Variants in GPR78 observed in about 807,000 individuals in gnomAD.
GPR78 encodes the protein G protein-coupled receptor 78.
In GPR78, 29 loss-of-function variants were observed where a neutral mutation model predicts 17.9. The ratio of observed to expected loss-of-function variants is 1.62; its 90% CI spans 1.20 to 2.21. GPR78 has a LOEUF of 2.21. Among genes scored for constraint, GPR78 ranks in the 30% most tolerant of loss-of-function variants. The probability of loss-of-function intolerance (pLI) is 0.00; values close to 1 mark genes in which losing one functional copy is unlikely to be tolerated. For missense variants in GPR78, 649 were observed against 530.5 expected, an observed-to-expected ratio of 1.22 and a Z score of -2.19; for synonymous variants, 349 against 256.9, an observed-to-expected ratio of 1.36 and a Z score of -3.43.
intron 2 of GPR78, among the ~76,000 whole-genome samples, chr4:8,583,477 A>G (rs889437453): frequency 2.0e-5 from 3 of 152,132 alleles, no homozygotes; most frequent in Admixed American, 6.5e-5. Flanking sequence ...GATACCCTGA[A>G]GGAAGACGCT....
At chr4:8,583,254 G>GT (rs2109300101) in intron 2 of GPR78, among the ~76,000 whole-genome samples, 1 of 152,292 alleles carries the variant, frequency 6.6e-6, no homozygotes, top group South Asian at 2.1e-4. Flanking sequence ...CGGCCACTTG[G>GT]TTACTACCTT....
At position 8,587,150 on chromosome 4, in the gene GPR78, G is replaced by C. The variant is rs546309729; in HGVS notation, c.879G>C (p.Thr293=). The change falls in exon 3 of 3, where the codon ACG becomes ACC. Residue 293 remains threonine (T), a synonymous_variant. Transcript: ENST00000382487. ...TYSKAVADPF[T]YSLLRRPFRQ... is the part of the protein sequence containing the mutation. ...GCAAGGCGGTGGCCGACCCGTTCAC[G>C]TACTCTCTGCTCCGCCGGCCGTTCC... The C allele has an allele frequency of 1.4e-4, 231 of 1,613,388 alleles. 3 individuals are homozygous for C. In the South Asian group the frequency reaches 2.5e-3, roughly 17 times the overall value.
intron 1 of GPR78, among the ~76,000 whole-genome samples, chr4:8,582,027 C>A (rs1418572305): frequency 1.3e-5 from 2 of 152,158 alleles, no homozygotes; most frequent in Non-Finnish European, 2.9e-5. Flanking sequence ...TGGACTTGGG[C>A]TTCAAGTCTT....
chr4:8,582,580 A>C lies in GPR78; in HGVS notation c.718A>C (p.Thr240Pro). The change falls in exon 2 of 3, where the codon ACC becomes CCC. Residue 240 changes from threonine (T) to proline (P), a missense_variant. Physicochemically the swap from Thr to Pro is conservative, Grantham distance 38. Coordinates refer to ENST00000382487, the MANE Select transcript of GPR78 (RefSeq NM_080819.5). ...IQQKRRRHRA[T>P]RKIGIAIATF... ...GCAGAAGCGGCGCCGCCACCGCGCC[A>C]CCAGGAAGATTGGCATTGCTATTGC... 1.2e-6 allele frequency: 2 copies of C among 1,612,966 alleles called. No individual in the cohort carries two copies. The highest frequency in any genetic ancestry group is 1.7e-6 in the Non-Finnish European group (2 of 1,179,826).
chr4:8,583,312 G>C (rs1713371919), intron 2 of GPR78, among the ~76,000 whole-genome samples: 1 of 152,212 alleles, frequency 6.6e-6, no homozygotes, highest in Admixed American at 6.5e-5. Context: ...GGAAGGCACC[G>C]TGGTTAGAGG....
chr4:8,585,324 G>T (rs926492035), intron 2 of GPR78, among the ~76,000 whole-genome samples: 14 of 152,186 alleles, frequency 9.2e-5, no homozygotes, highest in African/African-American at 2.9e-4. Context: ...CCTCAGCTGG[G>T]TGTTTCTGAT....
At chr4:8,584,697 G>A (rs1251503263) in intron 2 of GPR78, among the ~76,000 whole-genome samples, 2 of 152,204 alleles carry the variant, frequency 1.3e-5, no homozygotes, top group South Asian at 2.1e-4. Context: ...CCTCACAGGC[G>A]CCTCTCACAT....
chr4:8,584,140 A>G (rs28612558), intron 2 of GPR78, among the ~76,000 whole-genome samples: 2,975 of 152,266 alleles, frequency 0.02, 93 homozygotes, highest in African/African-American at 0.068. Context: ...TATGTGTAGA[A>G]GGTGAGTGCT....
intron 2 of GPR78, among the ~76,000 whole-genome samples, chr4:8,585,613 C>G (rs1465666615): frequency 6.6e-6 from 1 of 152,194 alleles, no homozygotes; most frequent in African/African-American, 2.4e-5. Flanking sequence ...CTTACTGTAA[C>G]TGGATCCTCA....
chr4:8,581,771 C>T (rs920786592), intron 1 of GPR78, 121 bp downstream of exon 1: 28 of 713,624 alleles, frequency 3.9e-5, no homozygotes, highest in Non-Finnish European at 5.2e-5. Context: ...CCAGCCACAG[C>T]ACTGCCCCTG....
rs1462463980 is a variant in GPR78 at position 8,587,358 on chromosome 4, C to T, written c.1087C>T (p.His363Tyr). 1 of 1,611,524 alleles carries T rather than the reference C, an allele frequency of 6.2e-7. No individual in the cohort carries two copies. Among genetic ancestry groups the T allele is most frequent in the Non-Finnish European group, 8.5e-7 (1 of 1,178,962 alleles). The change falls in exon 3 of 3, where the codon CAC becomes TAC. Residue 363 changes from histidine (H) to tyrosine (Y), a missense_variant. Coordinates refer to ENST00000382487, the MANE Select transcript of GPR78 (RefSeq NM_080819.5). Reference sequence around the variant, plus strand: ...GAATGATTCCTGCCTGCAGCAGACACACTGAGGGCCTGGCAGGGCTCATCG... The same window carrying T: ...GAATGATTCCTGCCTGCAGCAGACATACTGAGGGCCTGGCAGGGCTCATCG... ...TENDSCLQQTH is the reference protein window; with the variant it reads ...TENDSCLQQTY
intron 2 of GPR78, among the ~76,000 whole-genome samples, chr4:8,584,636 T>C (rs1026328186): frequency 5.3e-5 from 8 of 152,176 alleles, no homozygotes; most frequent in Non-Finnish European, 7.4e-5. Context: ...GGAGGGGTCT[T>C]GAGGGCTGGC....
In GPR78 at chr4:8,581,565, G is replaced by A. The variant is rs756079722; in HGVS notation, c.583G>A (p.Val195Met). Residue 195 changes from valine (V) to methionine (M), a missense_variant, in exon 1 of 3, where the codon GTG becomes ATG. Transcript: ENST00000382487. Reference protein sequence around the residue: ...LAVLCLTSLQVHRVARRHCQR... With the variant: ...LAVLCLTSLQMHRVARRHCQR... ...GGTGCTCTGCCTCACCTCGCTCCAG[G>A]TGCACCGGGTGGCACGCAGACACTG... The A allele has an allele frequency of 9.5e-6, 15 of 1,579,888 alleles. No homozygotes were observed. The highest frequency in any genetic ancestry group is 1.3e-5 in the Non-Finnish European group (15 of 1,170,840).
Position 8,587,206 on chromosome 4 carries a change from T to C in GPR78, c.935T>C (p.Leu312Pro), listed in dbSNP as rs751063207. ...GTCCTGGCCGGCATGGTGCACCGGC[T>C]GCTGAAGAGAACCCCGCGCCCAGCA... ...RQVLAGMVHR[L>P]LKRTPRPAST... Residue 312 changes from leucine (L) to proline (P), a missense_variant, in exon 3 of 3, where the codon CTG (leucine) becomes CCG (proline). By Grantham distance (98) the Leu-to-Pro change is moderately conservative. Coordinates refer to ENST00000382487, the MANE Select transcript of GPR78 (RefSeq NM_080819.5). The C allele has an allele frequency of 6.2e-7, 1 of 1,610,882 alleles. No individual in the cohort carries two copies. The highest frequency in any genetic ancestry group is 1.1e-5 in the South Asian group (1 of 90,990).
chr4:8,587,665 G>A lies in GPR78; in HGVS notation c.*302G>A, dbSNP rs1713571023. The A allele has an allele frequency of 2.0e-6, 1 of 491,246 alleles. No homozygotes were observed. Among genetic ancestry groups the A allele is most frequent in the Non-Finnish European group, 3.7e-6 (1 of 269,858 alleles). The allele number at this position is 491,246 out of a possible 1,614,324, so 30.4% of individuals were successfully genotyped here. ...TCATGGCGATGCTTCGAGACAGTGG[G>A]TAGGGAAGTGCCCTGTGTGGCATAT... On this transcript the variant is annotated 3_prime_UTR_variant, in exon 3 of 3. Transcript: ENST00000382487.
At position 8,587,311 on chromosome 4, in the gene GPR78, A is replaced by G. The variant is rs1713554939; in HGVS notation, c.1040A>G (p.His347Arg). The G allele has an allele frequency of 2.5e-6, 4 of 1,613,030 alleles. No homozygotes were observed. In the East Asian group the frequency reaches 8.9e-5, roughly 36 times the overall value. ...LKRTPRPASTHNGSVDTENDS... is the reference protein window; with the variant it reads ...LKRTPRPASTRNGSVDTENDS... ...AGAACCCCGCGCCCAGCGTCCACCC[A>G]CAACGGCTCTGTGGACACAGAGAAT... Residue 347 changes from histidine (H) to arginine (R), a missense_variant, in exon 3 of 3, where the codon CAC becomes CGC. Coordinates refer to ENST00000382487, the MANE Select transcript of GPR78 (RefSeq NM_080819.5).
chr4:8,582,442 T>C (rs1451309248), intron 1 of GPR78, 89 bp from the exon 2 acceptor site: 2 of 820,482 alleles, frequency 2.4e-6, no homozygotes, highest in African/African-American at 1.7e-5. Flanking sequence ...GAAACCCTCC[T>C]GTCTGCCCTC....
At position 8,581,054 on chromosome 4, in the gene GPR78, A is replaced by G; in HGVS notation, c.72A>G (p.Ala24=). 5 of 1,605,952 alleles carry G rather than the reference A, an allele frequency of 3.1e-6. No homozygotes were observed. The highest frequency in any genetic ancestry group is 1.3e-5 in the African/African-American group (1 of 74,980). The part of the protein sequence containing the change: ...MVLAVALLSN[A]LVLLCCAYSA... ...TGGCCGTGGCGCTGCTATCCAACGCACTGGTGCTGCTTTGTTGCGCCTACA... is the reference window on the plus strand; with the variant it reads ...TGGCCGTGGCGCTGCTATCCAACGCGCTGGTGCTGCTTTGTTGCGCCTACA... The change falls in exon 1 of 3, where the codon GCA becomes GCG. Residue 24 remains alanine, a synonymous_variant. Transcript: ENST00000382487.
At chr4:8,582,917 C>G (rs1385308029) in intron 2 of GPR78, 1 of 338,640 alleles carries the variant, frequency 3.0e-6, no homozygotes, top group African/African-American at 2.1e-5. Flanking sequence ...GCACCTGGCT[C>G]TTTAAACCTA....
Sources: allele counts gnomAD v4.1 joint callset (sites outside exome capture counted in the v4.1 genomes callset), GRCh38; gene constraint gnomAD v4.1.1; transcripts MANE v1.5; gene names NCBI Gene and HGNC (gene_info 2026-07-23, HGNC 2026-07-21).